PSMA1: variants seen among roughly 807,000 people sequenced by gnomAD.
PSMA1 encodes proteasome 20S subunit alpha 1.
Under a neutral mutation model 38.4 loss-of-function variants are expected in PSMA1, and 3 were observed. The observed-to-expected ratio is 0.08, with a 90% CI of 0.04 to 0.20. The LOEUF (loss-of-function observed/expected upper bound fraction) is 0.20, where lower values mean the gene tolerates loss of function less well. PSMA1 is among the 10% of genes least tolerant of loss of function. The pLI, the probability that PSMA1 is intolerant of heterozygous loss-of-function variation, is 1.00. For synonymous variants in PSMA1, 101 were observed against 107.1 expected (o/e 0.94, Z 0.35); for missense variants, 227 against 325.3 (o/e 0.70, Z 2.32).
At position 14,507,709 on chromosome 11, in the gene PSMA1, C is replaced by A. The variant is rs1463767486; in HGVS notation, c.682G>T (p.Asp228Tyr). The stretch of plus-strand genomic sequence containing the variant: ...AGACCTTCCAGGAATGGAGACACAT[C>A]ATCATCATCATAGATTGTAAACTCC... ...DLEFTIYDDDDVSPFLEGLEE... is the reference protein window; with the variant it reads ...DLEFTIYDDDYVSPFLEGLEE... The change falls in exon 9 of 10, where the codon GAT becomes TAT. Residue 228 changes from aspartate (D) to tyrosine (Y), a missense_variant. Physicochemically the swap from Asp to Tyr is radical, Grantham distance 160. Coordinates refer to ENST00000396394, the MANE Select transcript of PSMA1 (RefSeq NM_002786.4). 1 of 1,613,134 alleles carries A rather than the reference C, an allele frequency of 6.2e-7. No homozygotes were observed. Among genetic ancestry groups the A allele is most frequent in the Non-Finnish European group, 8.5e-7 (1 of 1,179,484 alleles).
intron 2 of PSMA1, among the ~76,000 whole-genome samples, chr11:14,575,336 T>C (rs1263936652): frequency 6.6e-6 from 1 of 152,176 alleles, no homozygotes. Flanking sequence ...TGTATACATG[T>C]GCCATGTTGG....
At chr11:14,607,632 G>A (rs1221187773) in intron 2 of PSMA1, among the ~76,000 whole-genome samples, 1 of 152,140 alleles carries the variant, frequency 6.6e-6, no homozygotes, top group East Asian at 1.9e-4. Context: ...GAGATTTATT[G>A]GCAGGGGGAG....
At chr11:14,524,682 A>G (rs1851567867), upstream of PSMA1, among the ~76,000 whole-genome samples, 1 of 152,200 alleles carries the variant, frequency 6.6e-6, no homozygotes, top group Admixed American at 6.5e-5. Context: ...CTTCACACGG[A>G]CACGTAAGAC....
chr11:14,505,411 T>C (rs1851228962), intron 9 of PSMA1, among the ~76,000 whole-genome samples, 163 bp from the exon 10 acceptor site: 1 of 152,048 alleles, frequency 6.6e-6, no homozygotes, highest in African/African-American at 2.4e-5. Flanking sequence ...CTGAGCAGTA[T>C]TTTTTTTCTC....
chr11:14,546,426 C>T (rs1851828324), intron 2 of PSMA1, among the ~76,000 whole-genome samples: 1 of 151,964 alleles, frequency 6.6e-6, no homozygotes, highest in Admixed American at 6.6e-5. Flanking sequence ...TTGTTTAGAG[C>T]TCTCATGGAA....
At chr11:14,520,098 G>T in intron 1 of PSMA1, 199 bp downstream of exon 1, 1 of 786,816 alleles carries the variant, frequency 1.3e-6, no homozygotes, top group African/African-American at 1.7e-5. Flanking sequence ...GAAAGCGGTG[G>T]AAAGGCCGCA....
intron 1 of PSMA1, among the ~76,000 whole-genome samples, chr11:14,615,949 G>C (rs1299841347): frequency 6.6e-6 from 1 of 152,138 alleles, no homozygotes; most frequent in Non-Finnish European, 1.5e-5. Flanking sequence ...GGGATCTCTA[G>C]AATGTGCAGA....
At chr11:14,589,712 C>T (rs73424247) in intron 2 of PSMA1, among the ~76,000 whole-genome samples, 19,965 of 152,024 alleles carry the variant, frequency 0.13, 1,531 homozygotes, top group African/African-American at 0.2. Context: ...TTTATGATAA[C>T]ATCAAGGTTG....
chr11:14,608,100 C>T (rs1320814094), intron 2 of PSMA1, among the ~76,000 whole-genome samples: 1 of 152,118 alleles, frequency 6.6e-6, no homozygotes, highest in Non-Finnish European at 1.5e-5. Context: ...GCCTGTAATC[C>T]TAGTACTTTG....
chr11:14,612,105 A>G (rs1203306234), intron 1 of PSMA1, among the ~76,000 whole-genome samples: 1 of 152,152 alleles, frequency 6.6e-6, no homozygotes, highest in South Asian at 2.1e-4. Flanking sequence ...AGCCCCAGGG[A>G]GTCTTGGTTG....
At chr11:14,578,225 A>T (rs547907731) in intron 2 of PSMA1, among the ~76,000 whole-genome samples, 4 of 151,456 alleles carry the variant, frequency 2.6e-5, no homozygotes, top group East Asian at 1.9e-4. Context: ...AAGTATAATT[A>T]AAAAAAAATA....
intron 2 of PSMA1, among the ~76,000 whole-genome samples, chr11:14,546,756 G>GT (rs1231965479): frequency 1.4e-4 from 21 of 152,242 alleles, no homozygotes; most frequent in Middle Eastern, 6.8e-3. Context: ...GGATTTTAAA[G>GT]TTTTTTCAGA....
At chr11:14,616,602 T>C (rs1412696807) in intron 1 of PSMA1, among the ~76,000 whole-genome samples, 1 of 150,424 alleles carries the variant, frequency 6.6e-6, no homozygotes, top group Admixed American at 6.6e-5. Flanking sequence ...AAGATTACAA[T>C]AGATAAAGGT....
chr11:14,622,783 A>G (rs1329657037), intron 1 of PSMA1, among the ~76,000 whole-genome samples: 1 of 152,212 alleles, frequency 6.6e-6, no homozygotes, highest in Non-Finnish European at 1.5e-5. Context: ...CAGAGCTGCC[A>G]CTTGGGGCAT....
chr11:14,601,522 A>G (rs1852579884), intron 2 of PSMA1, among the ~76,000 whole-genome samples: 1 of 151,922 alleles, frequency 6.6e-6, no homozygotes, highest in Admixed American at 6.6e-5. Flanking sequence ...GAAGATGTAA[A>G]CTCTCTCCGA....
chr11:14,592,505 C>T (rs1469601700), intron 2 of PSMA1, among the ~76,000 whole-genome samples: 7 of 152,062 alleles, frequency 4.6e-5, no homozygotes, highest in Non-Finnish European at 7.4e-5. Flanking sequence ...CCTGCCTCAG[C>T]GTCCCAAGTA....
chr11:14,514,105 C>A, intron 5 of PSMA1: 1 of 1,321,924 alleles, frequency 7.6e-7, no homozygotes, highest in Non-Finnish European at 9.6e-7. Context: ...TTCTTCCCAT[C>A]TAAAACCTGA....
intron 1 of PSMA1, among the ~76,000 whole-genome samples, chr11:14,638,275 A>C (rs1468754097): frequency 6.6e-6 from 1 of 152,102 alleles, no homozygotes; most frequent in Non-Finnish European, 1.5e-5. Flanking sequence ...AGTAACACAC[A>C]CGAAGTCACA....
intron 2 of PSMA1, among the ~76,000 whole-genome samples, chr11:14,550,473 A>T (rs375996351): frequency 2.5e-4 from 38 of 152,312 alleles, no homozygotes; most frequent in African/African-American, 8.2e-4. Context: ...GTTATTACAA[A>T]ATCACTCATA....
Sources: gnomAD v4.1 joint callset for allele counts (sites outside exome capture counted in the v4.1 genomes callset) on GRCh38, gnomAD v4.1.1 for gene constraint, MANE v1.5 for transcripts, NCBI Gene and HGNC (gene_info 2026-07-23, HGNC 2026-07-21) for gene names.